Variants in PHF21A observed in about 807,000 individuals in gnomAD.
The protein encoded by PHF21A is BHC80a.
A neutral mutation model predicts 82.5 loss-of-function variants in PHF21A; 11 were observed. The observed-to-expected ratio is 0.13, with a 90% confidence interval of 0.08 to 0.22. PHF21A has a LOEUF of 0.22. Among genes scored for constraint, PHF21A ranks in the 10% least tolerant of loss-of-function variants. The pLI, the probability that PHF21A is intolerant of heterozygous loss-of-function variation, is 1.00. For missense variants in PHF21A, 579 were observed against 837.8 expected (o/e 0.69, Z 3.81); for synonymous variants, 297 against 302.8 (o/e 0.98, Z 0.20).
chr11:46,040,142 A>G (rs998898899), intron 6 of PHF21A, among the ~76,000 whole-genome samples: 2 of 152,240 alleles, frequency 1.3e-5, no homozygotes, highest in Non-Finnish European at 2.9e-5. Flanking sequence ...TCTTCTGAAC[A>G]ACCTCTGGCA....
intron 16 of PHF21A, among the ~76,000 whole-genome samples, chr11:45,937,140 C>T (rs528136640): frequency 6.6e-6 from 1 of 152,232 alleles, no homozygotes; most frequent in African/African-American, 2.4e-5. Context: ...AGGATGAGGA[C>T]AATATTACAA....
intron 6 of PHF21A, among the ~76,000 whole-genome samples, chr11:46,035,902 G>A (rs533119019): frequency 1.4e-4 from 21 of 152,306 alleles, no homozygotes; most frequent in African/African-American, 4.6e-4. Context: ...TTGGTCCTAA[G>A]AGCAAAGAGA....
At chr11:45,996,097 C>T (rs937443598) in intron 6 of PHF21A, among the ~76,000 whole-genome samples, 5 of 152,108 alleles carry the variant, frequency 3.3e-5, no homozygotes, top group African/African-American at 9.7e-5. Context: ...GCATACACCA[C>T]CAAATCCAGC....
intron 6 of PHF21A, among the ~76,000 whole-genome samples, chr11:45,992,701 T>C (rs183123522): frequency 2.6e-5 from 4 of 152,350 alleles, no homozygotes; most frequent in African/African-American, 9.6e-5. Context: ...AGGCAAGTTA[T>C]ATGAATGAGT....
In PHF21A at chr11:45,938,323, G is replaced by C; in HGVS notation, c.1453-11C>G. The C allele has an allele frequency of 6.3e-7, 1 of 1,599,474 alleles. No homozygotes were observed. The highest frequency in any genetic ancestry group is 1.3e-5 in the African/African-American group (1 of 74,536). ...CTCATGAATATCACCCTATAAAGTTGAGAGGAAAGGTAAGAAAAAGGACAA... is the reference window on the plus strand; with the variant it reads ...CTCATGAATATCACCCTATAAAGTTCAGAGGAAAGGTAAGAAAAAGGACAA... On this transcript the variant is annotated splice_polypyrimidine_tract_variant and intron_variant, in intron 15 of 18. Transcript: ENST00000676320.
At chr11:46,119,658 T>C (rs1348954369) in intron 1 of PHF21A, 1 of 151,602 alleles carries the variant, frequency 6.6e-6, no homozygotes. Context: ...AAAGAAGGCG[T>C]TCTCCTCCGG....
At chr11:45,971,890 C>CTTTCTTTTTTCTTTTTTTTTTTTTT (rs57081937) in intron 7 of PHF21A, among the ~76,000 whole-genome samples, 1 of 50,294 alleles carries the variant, frequency 2.0e-5, no homozygotes, top group Non-Finnish European at 3.9e-5. Flanking sequence ...CTTTTTCTTT[C>CTTTCTTTTTTCTTTTTTTTTTTTTT]TTTTTTTTTT....
rs151038480 is a variant in PHF21A, at chr11:45,979,829, T to C, written c.291A>G (p.Gln97=). The change falls in exon 7 of 19, where the codon CAA becomes CAG. Residue 97 remains glutamine, a synonymous_variant. Coordinates refer to ENST00000676320, the MANE Select transcript of PHF21A (RefSeq NM_001352027.3). ...CGTGGTGGTGGTGGTACTGCTGCTG[T>C]TGTTGTAGTTGCTGTAGTGGTTGCT... ...AQQQPLQQLQ[Q]QQQYHHHHAQ... 1.5e-5 allele frequency: 25 copies of C among 1,613,964 alleles called. No individual in the cohort carries two copies. In the African/African-American group the frequency reaches 2.1e-4, roughly 14 times the overall value.
At chr11:46,055,455 C>T (rs2096439079) in intron 6 of PHF21A, among the ~76,000 whole-genome samples, 1 of 152,176 alleles carries the variant, frequency 6.6e-6, no homozygotes, top group East Asian at 1.9e-4. Flanking sequence ...CCAGAACTGG[C>T]ATTCAGAATG....
chr11:46,116,014 C>A (rs375519571), intron 1 of PHF21A, among the ~76,000 whole-genome samples: 161 of 152,160 alleles, frequency 1.1e-3, no homozygotes, highest in African/African-American at 3.2e-3. Context: ...CTAAAGGGGG[C>A]AATTTCAAAA....
At chr11:46,109,120 CA>C (rs1166451427) in intron 1 of PHF21A, among the ~76,000 whole-genome samples, 1 of 152,172 alleles carries the variant, frequency 6.6e-6, no homozygotes. Flanking sequence ...ATGGGAATTA[CA>C]TAGTTTAGTA....
intron 13 of PHF21A, 39 bp downstream of exon 13, chr11:45,949,363 T>C (rs550643463): frequency 1.3e-6 from 2 of 1,539,924 alleles, no homozygotes; most frequent in Middle Eastern, 1.7e-4. Flanking sequence ...TAAATAAAAC[T>C]GGAACATGAG....
chr11:46,010,110 A>AGT (rs774560618), intron 6 of PHF21A, among the ~76,000 whole-genome samples: 3 of 152,220 alleles, frequency 2.0e-5, no homozygotes, highest in East Asian at 3.8e-4. Context: ...CAAGTTTGAG[A>AGT]GTTACTGCAG....
intron 6 of PHF21A, among the ~76,000 whole-genome samples, chr11:46,003,098 T>C (rs2137076202): frequency 6.6e-6 from 1 of 152,250 alleles, no homozygotes; most frequent in Admixed American, 6.5e-5. Context: ...TTTAAAATTA[T>C]CTTGAGACAT....
chr11:46,002,756 C>T (rs2095176488), intron 6 of PHF21A, among the ~76,000 whole-genome samples: 3 of 152,030 alleles, frequency 2.0e-5, no homozygotes, highest in African/African-American at 7.2e-5. Context: ...AATTTAGAGG[C>T]ACCCCCTCAA....
intron 6 of PHF21A, among the ~76,000 whole-genome samples, chr11:46,036,506 T>C (rs1044536697): frequency 3.3e-5 from 5 of 152,234 alleles, no homozygotes; most frequent in African/African-American, 4.8e-5. Flanking sequence ...TTCAGGATAA[T>C]TGACTTCCTT....
Position 45,973,249 on chromosome 11 carries a change from C to T in PHF21A, c.361-1882G>A, listed in dbSNP as rs2093862718. On this transcript the variant is annotated intron_variant, in intron 7 of 18. Transcript: ENST00000676320. ...TGGACAGTGGAGATAGACGGTATTT[C>T]CAACATCACAGAAAGTTCTATCACT... is the stretch of plus-strand genomic sequence containing the variant. Among the ~76,000 whole-genome samples the T allele has an allele frequency of 2.0e-5, 3 of 152,178 alleles. No homozygotes were observed. In the South Asian group the frequency reaches 6.2e-4, roughly 32 times the overall value.
At chr11:45,951,381 G>GC (rs2092090696) in intron 11 of PHF21A, among the ~76,000 whole-genome samples, 1 of 152,186 alleles carries the variant, frequency 6.6e-6, no homozygotes, top group African/African-American at 2.4e-5. Flanking sequence ...CAAGCCACTT[G>GC]AGAACATAGA....
chr11:45,949,095 T>C (rs2091740198), intron 13 of PHF21A, 149 bp from the exon 14 acceptor site: 1 of 713,246 alleles, frequency 1.4e-6, no homozygotes, highest in Non-Finnish European at 2.5e-6. Context: ...AAGGGTTTTA[T>C]TGTATGTACT....
Sources: allele counts gnomAD v4.1 joint callset (sites outside exome capture counted in the v4.1 genomes callset), GRCh38; gene constraint gnomAD v4.1.1; transcripts MANE v1.5; gene names NCBI Gene and HGNC (gene_info 2026-07-23, HGNC 2026-07-21).